The following COL7A1 variants were observed in gnomAD, a reference collection of about 807,000 sequenced individuals.
The protein encoded by COL7A1 is collagen alpha-1(VII) chain.
A neutral mutation model predicts 456.2 loss-of-function variants in COL7A1; 296 were observed. The observed-to-expected ratio is 0.65, with a 90% CI of 0.59 to 0.71. COL7A1 has a LOEUF of 0.71. COL7A1 is among the 30% of genes least tolerant of loss of function. The pLI, the probability that COL7A1 is intolerant of heterozygous loss-of-function variation, is 0.00. For missense variants in COL7A1, 3,441 were observed against 4,017.2 expected (o/e 0.86, Z 3.88); for synonymous variants, 1,464 against 1,525.9 (o/e 0.96, Z 0.95).
At position 48,564,469 on chromosome 3, in the gene COL7A1, C is replaced by T. The variant is rs200632452; in HGVS notation, c.8819-47G>A. On this transcript the variant is annotated intron_variant, in intron 118 of 118. Transcript: ENST00000681320. The surrounding 1 kb of genome is among the most constrained non-coding windows in gnomAD (Gnocchi z 6.0). ...CGGTCGTCAGCCATCTGACCTTCCC[C>T]GGAGACGCTCAGGCAGAGGCACCGC... The T allele has an allele frequency of 3.7e-4, 597 of 1,611,766 alleles. 1 individual carries two copies. The highest frequency in any genetic ancestry group is 2.2e-3 in the South Asian group (196 of 90,732).
At position 48,585,610 on chromosome 3, in the gene COL7A1, C is replaced by T. The variant is rs569641113; in HGVS notation, c.3841G>A (p.Gly1281Ser). ...GGGGGCCCCTGGGGGCCGGGAGCAC[C>T]GGTCCTGCCCTGAAAGAAGATAGCA... The part of the protein sequence containing the change: ...PGDPGLPGRT[G>S]APGPQGPPGS... The change falls in exon 32 of 119, where the codon GGT becomes AGT. Residue 1281 changes from glycine (G) to serine (S), a missense_variant. Gly to Ser is a moderately conservative substitution (Grantham distance 56). Transcript: ENST00000681320. The surrounding 1 kb of genome is among the most constrained non-coding windows in gnomAD (Gnocchi z 4.5). 53 of 1,614,000 alleles carry T rather than the reference C, an allele frequency of 3.3e-5. No individual in the cohort carries two copies. The highest frequency in any genetic ancestry group is 1.8e-4 in the Admixed American group (11 of 60,020).
chr3:48,586,958 C>A lies in COL7A1; in HGVS notation c.3276+14G>T. On this transcript the variant is annotated intron_variant, in intron 25 of 118. Transcript: ENST00000681320. The surrounding 1 kb of genome is among the most constrained non-coding windows in gnomAD (Gnocchi z 5.1). ...CTCAGGGAGAGGTAGAATCTGGCTG[C>A]CCCAGGGCCAAACCTGAACTGCCTG... 1 of 1,581,316 alleles carries A rather than the reference C, an allele frequency of 6.3e-7. No individual in the cohort carries two copies. The highest frequency in any genetic ancestry group is 8.6e-7 in the Non-Finnish European group (1 of 1,163,898).
rs542906147 is a variant in COL7A1 at position 48,564,674 on chromosome 3, G to A, written c.8818+109C>T. 31 of 1,287,920 alleles carry A rather than the reference G, an allele frequency of 2.4e-5. No homozygotes were observed. In the Admixed American group the frequency reaches 3.4e-4, roughly 14 times the overall value. 79.8% of individuals were successfully genotyped at this position (1,287,920 alleles called of 1,614,324 possible). On this transcript the variant is annotated intron_variant, in intron 118 of 118. Coordinates refer to ENST00000681320, the MANE Select transcript of COL7A1 (RefSeq NM_000094.4). The surrounding 1 kb of genome is among the most constrained non-coding windows in gnomAD (Gnocchi z 6.0). ...CCCAGGTCCCCTACTGCGAGGGAGCGTCTCCTCCAGGACCCTGACCTGGAA... is the reference window on the plus strand; with the variant it reads ...CCCAGGTCCCCTACTGCGAGGGAGCATCTCCTCCAGGACCCTGACCTGGAA...
Position 48,564,841 on chromosome 3 carries a change from C to A in COL7A1, c.8760G>T (p.Gly2920=). ...AGCGGCGCTCGCAGGCCTCACGGGT[C>A]CCAAAACGGTTGGCATTCCCTCCAC... ...GGCGGNANRF[G]TREACERRCP... is the part of the protein sequence containing the mutation. Residue 2920 remains glycine, a synonymous_variant, in exon 118 of 119, where the codon GGG becomes GGT. Coordinates refer to ENST00000681320, the MANE Select transcript of COL7A1 (RefSeq NM_000094.4). The surrounding 1 kb of genome is among the most constrained non-coding windows in gnomAD (Gnocchi z 6.0). 1 of 1,614,110 alleles carries A rather than the reference C, an allele frequency of 6.2e-7. No individual in the cohort carries two copies. Among genetic ancestry groups the A allele is most frequent in the African/African-American group, 1.3e-5 (1 of 75,032 alleles).
rs763909642 is a variant in COL7A1, at chr3:48,584,546, C to A, written c.4058G>T (p.Gly1353Val). The change falls in exon 36 of 119, where the codon GGA (glycine) becomes GTA (valine). Residue 1353 changes from glycine to valine, a missense_variant. Around this residue, in one of 3 missense-constraint regions of COL7A1, gnomAD observed 2,084 missense variants for 2,501.3 expected, o/e 0.83. Coordinates refer to ENST00000681320, the MANE Select transcript of COL7A1 (RefSeq NM_000094.4). ...RGPKGEPGAPGQVIGGEGPGL... is the reference protein window; with the variant it reads ...RGPKGEPGAPVQVIGGEGPGL... The stretch of plus-strand genomic sequence containing the variant: ...AGGTCCTTCACCTCCGATGACTTGT[C>A]CGGGAGCCCCCTGTAAGGACAGAGA... 1.7e-4 allele frequency: 279 copies of A among 1,613,992 alleles called. No individual in the cohort carries two copies. The highest frequency in any genetic ancestry group is 2.3e-4 in the Non-Finnish European group (272 of 1,180,006).
Position 48,574,341 on chromosome 3 carries a change from G to C in COL7A1, c.6457-35C>G. ...ATAGGTTTAAGGCCTTAGTTTCCCA[G>C]TTCCAACTTCCCCTCCACCCACCAT... On this transcript the variant is annotated intron_variant, in intron 79 of 118. Transcript: ENST00000681320. The surrounding 1 kb of genome is among the most constrained non-coding windows in gnomAD (Gnocchi z 5.0). 1 of 1,614,076 alleles carries C rather than the reference G, an allele frequency of 6.2e-7. No homozygotes were observed. The highest frequency in any genetic ancestry group is 8.5e-7 in the Non-Finnish European group (1 of 1,179,988).
rs2044245444 is a variant in COL7A1 at position 48,575,628 on chromosome 3, C to A, written c.5977G>T (p.Glu1993Ter). ...CCCACTGAGCCACTTCTGCTCACCT[C>A]CTTGCCTGGGGGGCCCTGTTCGCCT... ...DSGEQGPPGKEGPIGFPGERG... is the reference protein window; with the variant it reads ...DSGEQGPPGK The change falls in exon 73 of 119, where the codon GAG becomes TAG. Residue 1993 changes from glutamate to a stop codon, truncating the protein, a stop_gained and splice_region_variant. Coordinates refer to ENST00000681320, the MANE Select transcript of COL7A1 (RefSeq NM_000094.4). LOFTEE classifies it high-confidence loss of function. The surrounding 1 kb of genome is among the most constrained non-coding windows in gnomAD (Gnocchi z 6.3). 3.1e-6 allele frequency: 5 copies of A among 1,613,332 alleles called. No individual in the cohort carries two copies. The highest frequency in any genetic ancestry group is 4.2e-6 in the Non-Finnish European group (5 of 1,180,030).
Position 48,573,902 on chromosome 3 carries a change from G to A in COL7A1, c.6502-12C>T. The A allele has an allele frequency of 6.2e-7, 1 of 1,613,066 alleles. No homozygotes were observed. Among genetic ancestry groups the A allele is most frequent in the Non-Finnish European group, 8.5e-7 (1 of 1,179,938 alleles). ...GGACCCTGCAGACCCTACATAGAGA[G>A]GGCACTGATGAGCCTCAATCTGGGC... On this transcript the variant is annotated splice_polypyrimidine_tract_variant and intron_variant, in intron 80 of 118. Coordinates refer to ENST00000681320, the MANE Select transcript of COL7A1 (RefSeq NM_000094.4). This position sits in a 1 kb window ranked among gnomAD's most constrained non-coding sequence, Gnocchi z 5.5.
Position 48,587,649 on chromosome 3 carries a change from A to G in COL7A1, c.2858-95T>C. On this transcript the variant is annotated intron_variant, in intron 22 of 118. Transcript: ENST00000681320. The surrounding 1 kb of genome is among the most constrained non-coding windows in gnomAD (Gnocchi z 6.1). ...TCCTGGGTCCGGTTTGTCTTATTGA[A>G]GCATCATGGGAGGTCATGCTGGGGT... 2 of 1,605,850 alleles carry G rather than the reference A, an allele frequency of 1.2e-6. No homozygotes were observed. The highest frequency in any genetic ancestry group is 1.7e-5 in the Admixed American group (1 of 59,992).
rs970083880 is a variant in COL7A1, at chr3:48,576,978, G to A, written c.5568+14C>T. 2 of 1,614,024 alleles carry A rather than the reference G, an allele frequency of 1.2e-6. No homozygotes were observed. Among genetic ancestry groups the A allele is most frequent in the Non-Finnish European group, 1.7e-6 (2 of 1,180,036 alleles). ...CAAGCAGAGACCAGAGAGACCCCAG[G>A]TGGGGGACTTTACCTTCCTCCCGTC... On this transcript the variant is annotated intron_variant, in intron 66 of 118. Coordinates refer to ENST00000681320, the MANE Select transcript of COL7A1 (RefSeq NM_000094.4).
chr3:48,582,314 G>T lies in COL7A1; in HGVS notation c.4635+9C>A. ...GCTGTGCTCAGAGCGCCATCCTCCC[G>T]TCACTCACCACCACTGCAGGGTCCC... On this transcript the variant is annotated intron_variant, in intron 47 of 118. Coordinates refer to ENST00000681320, the MANE Select transcript of COL7A1 (RefSeq NM_000094.4). The T allele has an allele frequency of 2.5e-6, 4 of 1,613,938 alleles. No individual in the cohort carries two copies. In the Admixed American group the frequency reaches 6.7e-5, roughly 27 times the overall value.
At position 48,569,093 on chromosome 3, in the gene COL7A1, C is replaced by T. The variant is rs890372148; in HGVS notation, c.7687-238G>A. 6.6e-6 allele frequency among the ~76,000 whole-genome samples: 1 copy of T among 152,080 alleles called. No homozygotes were observed. Among genetic ancestry groups the T allele is most frequent in the Non-Finnish European group, 1.5e-5 (1 of 67,996 alleles). On this transcript the variant is annotated intron_variant, in intron 103 of 118. Coordinates refer to ENST00000681320, the MANE Select transcript of COL7A1 (RefSeq NM_000094.4). The surrounding 1 kb of genome is among the most constrained non-coding windows in gnomAD (Gnocchi z 4.9). ...GCCCTCTTATCACTGGGTTCCTCAT[C>T]CCATCTGAAGCACCTTCAGATGGGG...
Position 48,578,585 on chromosome 3 carries a change from G to C in COL7A1, c.5425-70C>G. 6.5e-7 allele frequency: 1 copy of C among 1,545,950 alleles called. No homozygotes were observed. Among genetic ancestry groups the C allele is most frequent in the Non-Finnish European group, 8.9e-7 (1 of 1,123,044 alleles). On this transcript the variant is annotated intron_variant, in intron 63 of 118. Coordinates refer to ENST00000681320, the MANE Select transcript of COL7A1 (RefSeq NM_000094.4). The surrounding 1 kb of genome is among the most constrained non-coding windows in gnomAD (Gnocchi z 4.7). ...CCTTGGGGCACACCCCATGGACTAA[G>C]AGGACCCCAAAAAGATCTCCCTCCA...
chr3:48,569,914 C>T lies in COL7A1; in HGVS notation c.7487G>A (p.Gly2496Glu). 1 of 1,614,090 alleles carries T rather than the reference C, an allele frequency of 6.2e-7. No individual in the cohort carries two copies. Among genetic ancestry groups the T allele is most frequent in the African/African-American group, 1.3e-5 (1 of 75,056 alleles). The change falls in exon 100 of 119, where the codon GGG becomes GAG. Residue 2496 changes from glycine to glutamate, a missense_variant and splice_region_variant. Gly to Glu is a moderately conservative substitution (Grantham distance 98, BLOSUM62 -2). Around this residue, in one of 3 missense-constraint regions of COL7A1, gnomAD observed 2,084 missense variants for 2,501.3 expected, o/e 0.83. Coordinates refer to ENST00000681320, the MANE Select transcript of COL7A1 (RefSeq NM_000094.4). The surrounding 1 kb of genome is among the most constrained non-coding windows in gnomAD (Gnocchi z 4.9). ...PGQEGPRGLTGPPGSRGERGE... is the reference protein window; with the variant it reads ...PGQEGPRGLTEPPGSRGERGE... The stretch of plus-strand genomic sequence containing the variant: ...ACGCTCTCCCCTGCTGCCAGGGGGC[C>T]CCTGTGTGAGAGAAGGTGACCGTGA...
At position 48,568,077 on chromosome 3, in the gene COL7A1, GTTTC is replaced by G; in HGVS notation, c.7875+9_7875+12del. The G allele has an allele frequency of 6.2e-7, 1 of 1,614,132 alleles. No homozygotes were observed. The highest frequency in any genetic ancestry group is 8.5e-7 in the Non-Finnish European group (1 of 1,179,988). On this transcript the variant is annotated intron_variant, in intron 106 of 118. Coordinates refer to ENST00000681320, the MANE Select transcript of COL7A1 (RefSeq NM_000094.4). The surrounding 1 kb of genome is among the most constrained non-coding windows in gnomAD (Gnocchi z 5.2). ...TCCTGACCAGAAAAAAACCAATCTT[GTTTC>G]TTTCCTACCTTGAGGCCCCGGGGAC...
rs375982451 is a variant in COL7A1, at chr3:48,590,436, C to T, written c.1906+23G>A. On this transcript the variant is annotated intron_variant, in intron 15 of 118. Coordinates refer to ENST00000681320, the MANE Select transcript of COL7A1 (RefSeq NM_000094.4). This position sits in a 1 kb window ranked among gnomAD's most constrained non-coding sequence, Gnocchi z 4.6. The stretch of plus-strand genomic sequence containing the variant: ...TACCCTCATTGGTCCCTTTGGCAGT[C>T]CCCCCACACACCCCACACTGACCAC... 8.7e-6 allele frequency: 14 copies of T among 1,614,068 alleles called. No homozygotes were observed. Among genetic ancestry groups the T allele is most frequent in the Non-Finnish European group, 1.2e-5 (14 of 1,180,002 alleles).
At position 48,585,699 on chromosome 3, in the gene COL7A1, A is replaced by C. The variant is rs766549680; in HGVS notation, c.3822T>G (p.Pro1274=). Residue 1274 remains proline, a synonymous_variant, in exon 31 of 119, where the codon CCT becomes CCG. Coordinates refer to ENST00000681320, the MANE Select transcript of COL7A1 (RefSeq NM_000094.4). This position sits in a 1 kb window ranked among gnomAD's most constrained non-coding sequence, Gnocchi z 4.5. The part of the protein sequence containing the change: ...LRGQVGPPGD[P]GLPGRTGAPG... ...TGTGGGGGACACTCACCGGGAGGCCAGGGTCGCCAGGAGGCCCAACTTGTC... is the reference window on the plus strand; with the variant it reads ...TGTGGGGGACACTCACCGGGAGGCCCGGGTCGCCAGGAGGCCCAACTTGTC... The C allele has an allele frequency of 1.2e-6, 2 of 1,614,022 alleles. No homozygotes were observed. Among genetic ancestry groups the C allele is most frequent in the Non-Finnish European group, 1.7e-6 (2 of 1,180,000 alleles).
rs928938091 is a variant in COL7A1 at position 48,564,492 on chromosome 3, C to T, written c.8819-70G>A. 6.3e-6 allele frequency: 10 copies of T among 1,585,310 alleles called. No individual in the cohort carries two copies. The highest frequency in any genetic ancestry group is 5.4e-5 in the African/African-American group (4 of 74,276). ...CCCGGAGACGCTCAGGCAGAGGCACCGCCAAGGGGAGGGAGCGGAGGCTAC... is the reference window on the plus strand; with the variant it reads ...CCCGGAGACGCTCAGGCAGAGGCACTGCCAAGGGGAGGGAGCGGAGGCTAC... On this transcript the variant is annotated intron_variant, in intron 118 of 118. Coordinates refer to ENST00000681320, the MANE Select transcript of COL7A1 (RefSeq NM_000094.4). The surrounding 1 kb of genome is among the most constrained non-coding windows in gnomAD (Gnocchi z 6.0).
Position 48,565,533 on chromosome 3 carries a change from C to A in COL7A1, c.8441-37G>T. ...AGCAGGGGCCTCAGGGCCCTGAAGT[C>A]ACCATGGGCAGCCATCCCAGCCAAC... On this transcript the variant is annotated intron_variant, in intron 115 of 118. Coordinates refer to ENST00000681320, the MANE Select transcript of COL7A1 (RefSeq NM_000094.4). This position sits in a 1 kb window ranked among gnomAD's most constrained non-coding sequence, Gnocchi z 4.5. 1 of 1,613,532 alleles carries A rather than the reference C, an allele frequency of 6.2e-7. No homozygotes were observed. Among genetic ancestry groups the A allele is most frequent in the South Asian group, 1.1e-5 (1 of 91,014 alleles).
Sources: allele counts gnomAD v4.1 joint callset (sites outside exome capture counted in the v4.1 genomes callset), GRCh38; gene constraint gnomAD v4.1.1; regional missense constraint gnomAD v4.1.1; non-coding constraint Gnocchi (gnomAD v3.1); transcripts MANE v1.5; gene names NCBI Gene and HGNC (gene_info 2026-07-23, HGNC 2026-07-21).